The following PRELID2 variants were observed in gnomAD, a reference collection of about 807,000 sequenced individuals.
The protein encoded by PRELID2 is PRELI domain containing 2, also known as PRELI domain-containing protein 2.
Under a neutral mutation model 28.4 loss-of-function variants are expected in PRELID2, and 25 were observed. The observed-to-expected ratio is 0.88, with a 90% confidence interval of 0.64 to 1.23. The LOEUF (loss-of-function observed/expected upper bound fraction) is 1.23. Among genes scored for constraint, PRELID2 ranks in the 50% most tolerant of loss-of-function variants. PRELID2 has a pLI of 0.00. For missense variants in PRELID2, 201 were observed against 214.4 expected, an observed-to-expected ratio of 0.94 and a Z score of 0.39; for synonymous variants, 76 against 71.6, an observed-to-expected ratio of 1.06 and a Z score of -0.31.
chr5:145,400,020 A>T, the PRELID2 span, among the ~76,000 whole-genome samples: 1 of 152,128 alleles, frequency 6.6e-6, no homozygotes, highest in East Asian at 1.9e-4. Context: ...GCCAAACCAT[A>T]TTATCTCCAC....
the PRELID2 span, among the ~76,000 whole-genome samples, chr5:145,379,025 G>A: frequency 2.0e-5 from 3 of 151,954 alleles, no homozygotes; most frequent in African/African-American, 7.3e-5. Flanking sequence ...ATGAATTTGA[G>A]GGTTTGATTC....
At chr5:145,268,733 G>T in the PRELID2 span, among the ~76,000 whole-genome samples, 2 of 151,928 alleles carry the variant, frequency 1.3e-5, no homozygotes, top group Non-Finnish European at 2.9e-5. Flanking sequence ...TATAAAGGTT[G>T]AAATAAAAGG....
the PRELID2 span, among the ~76,000 whole-genome samples, chr5:145,345,019 AT>A: frequency 6.6e-6 from 1 of 152,028 alleles, no homozygotes; most frequent in Admixed American, 6.6e-5. Flanking sequence ...AAAATTGTTT[AT>A]TTTTACCTGA....
At chr5:145,555,308 A>G (rs1752871870) in intron 1 of PRELID2, among the ~76,000 whole-genome samples, 1 of 152,188 alleles carries the variant, frequency 6.6e-6, no homozygotes, top group South Asian at 2.1e-4. Context: ...TTGAACTCTG[A>G]ATTTTTAAAA....
intron 5 of PRELID2, among the ~76,000 whole-genome samples, chr5:145,773,926 T>A (rs1320250820): frequency 6.6e-6 from 1 of 152,214 alleles, no homozygotes; most frequent in African/African-American, 2.4e-5. Flanking sequence ...TAATTCTGCT[T>A]TTATCTTGTA....
At chr5:145,743,301 C>G (rs1473073336) in intron 1 of PRELID2, among the ~76,000 whole-genome samples, 6 of 151,528 alleles carry the variant, frequency 4.0e-5, no homozygotes, top group Non-Finnish European at 8.8e-5. Flanking sequence ...ATCCCAGCTA[C>G]TCGGGAGGCT....
At chr5:145,561,974 G>A (rs1752929094) in intron 1 of PRELID2, among the ~76,000 whole-genome samples, 1 of 143,216 alleles carries the variant, frequency 7.0e-6, no homozygotes, top group South Asian at 2.1e-4. Context: ...TTTTTAGGAT[G>A]ATGAAAATGT....
intron 1 of PRELID2, among the ~76,000 whole-genome samples, chr5:145,634,128 T>C (rs550355933): frequency 1.1e-4 from 16 of 152,350 alleles, no homozygotes; most frequent in African/African-American, 3.8e-4. Context: ...TGGTACATTT[T>C]GTGGCAATGT....
the PRELID2 span, among the ~76,000 whole-genome samples, chr5:145,265,738 T>C: frequency 2.0e-5 from 3 of 152,168 alleles, no homozygotes; most frequent in South Asian, 6.2e-4. Flanking sequence ...CAAATGGTGC[T>C]GGGATAATTG....
chr5:145,307,220 G>T, the PRELID2 span, among the ~76,000 whole-genome samples: 1 of 152,148 alleles, frequency 6.6e-6, no homozygotes, highest in African/African-American at 2.4e-5. Flanking sequence ...AATAGGTATA[G>T]TTGGGGCAGT....
At chr5:145,525,947 T>C (rs184969242) in intron 1 of PRELID2, among the ~76,000 whole-genome samples, 2 of 152,284 alleles carry the variant, frequency 1.3e-5, no homozygotes, top group Admixed American at 6.5e-5. Flanking sequence ...GGTCTACTTC[T>C]TTCATTCATG....
At chr5:145,326,051 C>A in the PRELID2 span, among the ~76,000 whole-genome samples, 1 of 152,126 alleles carries the variant, frequency 6.6e-6, no homozygotes, top group Non-Finnish European at 1.5e-5. Flanking sequence ...CTCTGTTGCC[C>A]AGGTTGGAGT....
At chr5:145,797,195 G>A (rs759598230) in intron 4 of PRELID2, among the ~76,000 whole-genome samples, 19 of 152,126 alleles carry the variant, frequency 1.2e-4, no homozygotes, top group Non-Finnish European at 2.2e-4. Flanking sequence ...TAAGATGGCT[G>A]AATAGGAAGT....
At chr5:145,597,971 G>C (rs575545169) in intron 1 of PRELID2, among the ~76,000 whole-genome samples, 1 of 152,124 alleles carries the variant, frequency 6.6e-6, no homozygotes, top group Non-Finnish European at 1.5e-5. Flanking sequence ...GATAGTAAAC[G>C]TAAGATGCTA....
chr5:145,679,868 CTAA>C (rs1754899143), intron 1 of PRELID2, among the ~76,000 whole-genome samples: 1 of 149,172 alleles, frequency 6.7e-6, no homozygotes. Context: ...ATTTATACAA[CTAA>C]TTTTATACAA....
At chr5:145,266,926 G>A in the PRELID2 span, among the ~76,000 whole-genome samples, 57,828 of 151,756 alleles carry the variant, frequency 0.38, 11,880 homozygotes, top group African/African-American at 0.52. Flanking sequence ...TAAGTAACTC[G>A]GTAATGGAAA....
At chr5:145,732,883 A>C (rs1263229654) in intron 1 of PRELID2, among the ~76,000 whole-genome samples, 2 of 152,162 alleles carry the variant, frequency 1.3e-5, no homozygotes, top group African/African-American at 4.8e-5. Flanking sequence ...TACAAGGACT[A>C]AAAGTGACAG....
At chr5:145,403,924 G>C in the PRELID2 span, among the ~76,000 whole-genome samples, 2 of 152,144 alleles carry the variant, frequency 1.3e-5, no homozygotes, top group African/African-American at 2.4e-5. Flanking sequence ...AAGTTAAATC[G>C]ATCTAGATCC....
chr5:145,718,944 A>C (rs542417310), intron 1 of PRELID2, among the ~76,000 whole-genome samples: 4 of 152,180 alleles, frequency 2.6e-5, no homozygotes, highest in African/African-American at 9.6e-5. Context: ...AAATAAATAA[A>C]ATAAAAGCAT....
Sources: allele counts gnomAD v4.1 joint callset (sites outside exome capture counted in the v4.1 genomes callset), GRCh38; gene constraint gnomAD v4.1.1; transcripts MANE v1.5; gene names NCBI Gene and HGNC (gene_info 2026-07-23, HGNC 2026-07-21).